Variants in TIMMDC1 observed in about 807,000 individuals in gnomAD.
TIMMDC1 encodes the protein translocase of inner mitochondrial membrane domain containing 1.
A neutral mutation model predicts 32.6 loss-of-function variants in TIMMDC1; 25 were observed. The observed-to-expected ratio is 0.77, with a 90% CI of 0.56 to 1.07. The LOEUF is 1.07. Among genes scored for constraint, TIMMDC1 ranks in the 50% least tolerant of loss-of-function variants. The probability of loss-of-function intolerance (pLI) is 0.00; values close to 1 mark genes in which losing one functional copy is unlikely to be tolerated. For missense variants in TIMMDC1, 329 were observed against 349.2 expected, an observed-to-expected ratio of 0.94 and a Z score of 0.46; for synonymous variants, 130 against 127.6, an observed-to-expected ratio of 1.02 and a Z score of -0.13.
intron 1 of TIMMDC1, 40 bp from the exon 2 acceptor site, chr3:119,500,655 T>C (rs1300704236): frequency 6.3e-7 from 1 of 1,586,424 alleles, no homozygotes; most frequent in Non-Finnish European, 8.6e-7. Context: ...GCAATGTCCA[T>C]AAACTAATCC....
chr3:119,504,186 T>A (rs963335847), intron 4 of TIMMDC1, among the ~76,000 whole-genome samples, 165 bp downstream of exon 4: 2 of 152,262 alleles, frequency 1.3e-5, no homozygotes, highest in Non-Finnish European at 2.9e-5. Flanking sequence ...TCACCCTTGA[T>A]ATACTCAATG....
intron 6 of TIMMDC1, among the ~76,000 whole-genome samples, chr3:119,518,879 AAAACAAAC>A (rs79498479): frequency 6.6e-6 from 1 of 152,022 alleles, no homozygotes; most frequent in East Asian, 1.9e-4. Flanking sequence ...CTAAAAGGAA[AAAACAAAC>A]AAACAGACAA....
chr3:119,505,079 CAAAA>C (rs11290294), intron 4 of TIMMDC1, among the ~76,000 whole-genome samples: 3 of 95,860 alleles, frequency 3.1e-5, no homozygotes, highest in African/African-American at 3.6e-5. Context: ...ACTCTTGTCT[CAAAA>C]AAAAAAAAAA....
intron 1 of TIMMDC1, 161 bp downstream of exon 1, chr3:119,499,088 CTTTCT>C (rs1303570135): frequency 6.5e-4 from 322 of 492,792 alleles, no homozygotes; most frequent in African/African-American, 6.0e-3. Flanking sequence ...TATCTTTTTT[CTTTCT>C]TTTTTTTTTT....
At chr3:119,518,461 A>C (rs1207661770) in intron 6 of TIMMDC1, among the ~76,000 whole-genome samples, 1 of 151,846 alleles carries the variant, frequency 6.6e-6, no homozygotes, top group African/African-American at 2.4e-5. Context: ...CCAAGGACTT[A>C]AGTGCTATAT....
chr3:119,512,457 T>G (rs1403632860), intron 4 of TIMMDC1, among the ~76,000 whole-genome samples: 1 of 152,112 alleles, frequency 6.6e-6, no homozygotes. Context: ...TTTTGTATTT[T>G]TAGTAGAGAC....
intron 5 of TIMMDC1, among the ~76,000 whole-genome samples, chr3:119,516,581 G>A (rs2081986358): frequency 6.6e-6 from 1 of 152,206 alleles, no homozygotes; most frequent in African/African-American, 2.4e-5. Context: ...AATTTAAGGT[G>A]TATGAAGGTC....
In TIMMDC1 at chr3:119,498,757, G is replaced by C; in HGVS notation, c.24G>C (p.Pro8=). 1 of 1,614,206 alleles carries C rather than the reference G, an allele frequency of 6.2e-7. No homozygotes were observed. Among genetic ancestry groups the C allele is most frequent in the Non-Finnish European group, 8.5e-7 (1 of 1,180,032 alleles). ...CCATGGAGGTGCCGCCACCGGCACC[G>C]CGGAGCTTTCTCTGTAGAGCATTGT... MEVPPPA[P]RSFLCRALCL... The change falls in exon 1 of 7, where the codon CCG becomes CCC. Residue 8 remains proline (P), a synonymous_variant. Coordinates refer to ENST00000494664, the MANE Select transcript of TIMMDC1 (RefSeq NM_016589.4).
intron 6 of TIMMDC1, among the ~76,000 whole-genome samples, chr3:119,518,561 A>G (rs189518340): frequency 4.4e-4 from 67 of 152,172 alleles, no homozygotes; most frequent in African/African-American, 1.5e-3. Flanking sequence ...CTCAAAAAAA[A>G]AAAAAAATTA....
intron 5 of TIMMDC1, among the ~76,000 whole-genome samples, chr3:119,515,958 T>C (rs1220315039): frequency 6.7e-6 from 1 of 148,310 alleles, no homozygotes; most frequent in Non-Finnish European, 1.5e-5. Context: ...ATAGATTTAA[T>C]GATTTTTTTA....
At chr3:119,513,562 C>CT (rs1177845224) in intron 4 of TIMMDC1, 79 bp from the exon 5 acceptor site, 2 of 1,115,126 alleles carry the variant, frequency 1.8e-6, no homozygotes, top group Non-Finnish European at 2.7e-6. Context: ...TAGGGATTTC[C>CT]TTTTTGTAGA....
At position 119,524,848 on chromosome 3, in the gene TIMMDC1, A is replaced by G. The variant is rs2082055575; in HGVS notation, c.*1092A>G. The stretch of plus-strand genomic sequence containing the variant: ...CCAAGGAGAAAAAGCCATCTTAGGG[A>G]TCTAAGGAGGCCCTATGGAAAGTTA... On this transcript the variant is annotated 3_prime_UTR_variant, in exon 7 of 7. Coordinates refer to ENST00000494664, the MANE Select transcript of TIMMDC1 (RefSeq NM_016589.4). 1 of 152,206 alleles carries G rather than the reference A, an allele frequency of 6.6e-6. No homozygotes were observed. The highest frequency in any genetic ancestry group is 2.4e-5 in the African/African-American group (1 of 41,442). The allele number at this position is 152,206 out of a possible 1,614,324, so 9.4% of individuals were successfully genotyped here. A position where few individuals can be genotyped will look rare whatever the true frequency, so the allele number is the denominator to read the frequency against.
intron 4 of TIMMDC1, among the ~76,000 whole-genome samples, chr3:119,512,577 C>G (rs188609869): frequency 8.6e-5 from 13 of 151,558 alleles, no homozygotes; most frequent in Admixed American, 7.9e-4. Flanking sequence ...CGTGCCCGGC[C>G]CCAGTTGTTG....
At chr3:119,500,634 T>C in intron 1 of TIMMDC1, 61 bp from the exon 2 acceptor site, 1 of 1,466,996 alleles carries the variant, frequency 6.8e-7, no homozygotes, top group Non-Finnish European at 9.3e-7. Flanking sequence ...GATTATAGAG[T>C]CTCTTGGAGA....
Position 119,500,863 on chromosome 3 carries a change from A to C in TIMMDC1, c.360+3A>C. 6.2e-7 allele frequency: 1 copy of C among 1,611,836 alleles called. No individual in the cohort carries two copies. The highest frequency in any genetic ancestry group is 8.5e-7 in the Non-Finnish European group (1 of 1,179,176). On this transcript the variant is annotated splice_donor_region_variant and intron_variant, in intron 2 of 6. Coordinates refer to ENST00000494664, the MANE Select transcript of TIMMDC1 (RefSeq NM_016589.4). ...ATCATAACCGGTTTGATGCTGTGGT[A>C]TGTACTGGTGATCTAAAGAAATTTG... is the stretch of plus-strand genomic sequence containing the variant.
chr3:119,523,520 A>G, intron 6 of TIMMDC1, 86 bp from the exon 7 acceptor site: 2 of 1,383,140 alleles, frequency 1.4e-6, no homozygotes, highest in Middle Eastern at 1.9e-4. Context: ...AGGGAGGAAA[A>G]GACAAATGCT....
chr3:119,502,749 C>A (rs551612005), intron 2 of TIMMDC1, among the ~76,000 whole-genome samples: 6 of 151,758 alleles, frequency 4.0e-5, no homozygotes, highest in Non-Finnish European at 8.8e-5. Flanking sequence ...TTTGTAAAGG[C>A]AGGATCTCGC....
intron 2 of TIMMDC1, 79 bp downstream of exon 2, chr3:119,500,939 G>A (rs1410726707): frequency 7.0e-7 from 1 of 1,434,530 alleles, no homozygotes; most frequent in East Asian, 2.3e-5. Flanking sequence ...CAATTAGGTT[G>A]TGGGGATGGA....
Position 119,509,811 on chromosome 3 carries a change from G to C in TIMMDC1, c.518-3830G>C, listed in dbSNP as rs371924229. Among the ~76,000 whole-genome samples the C allele has an allele frequency of 2.0e-4, 31 of 151,424 alleles. 1 individual carries two copies. The East Asian group carries it at 5.6e-3, about 28-fold the overall frequency. Reference sequence around the variant, plus strand: ...AGGGATTCTCCTGCCTCAGCCTCCTGAGTAGCTGGGACTACAGGCATATGC... The same window carrying C: ...AGGGATTCTCCTGCCTCAGCCTCCTCAGTAGCTGGGACTACAGGCATATGC... On this transcript the variant is annotated intron_variant, in intron 4 of 6. Transcript: ENST00000494664.
Sources: gnomAD v4.1 joint callset for allele counts (sites outside exome capture counted in the v4.1 genomes callset) on GRCh38, gnomAD v4.1.1 for gene constraint, MANE v1.5 for transcripts, NCBI Gene and HGNC (gene_info 2026-07-23, HGNC 2026-07-21) for gene names.